Variants in EHBP1 observed in about 807,000 individuals in gnomAD.
EHBP1 encodes the protein EH domain-binding protein 1.
EHBP1 carries 55 observed loss-of-function variants against 144.0 expected under a neutral mutation model. The observed-to-expected ratio is 0.38, with a 90% CI of 0.31 to 0.48. EHBP1 has a LOEUF of 0.48. EHBP1 is among the 20% of genes least tolerant of loss of function. The probability of loss-of-function intolerance (pLI) is 0.98; values close to 1 mark genes in which losing one functional copy is unlikely to be tolerated. For synonymous variants in EHBP1, 469 were observed against 472.7 expected, an observed-to-expected ratio of 0.99 and a Z score of 0.10; for missense variants, 1,200 against 1,364.2, an observed-to-expected ratio of 0.88 and a Z score of 1.90.
At chr2:62,768,048 A>G (rs34104251) in intron 4 of EHBP1, among the ~76,000 whole-genome samples, 54,578 of 151,850 alleles carry the variant, frequency 0.36, 9,913 homozygotes, top group Middle Eastern at 0.54. Flanking sequence ...AATTCAAAGC[A>G]CTAAATACCC....
intron 19 of EHBP1, among the ~76,000 whole-genome samples, chr2:63,037,103 T>C (rs558892692): frequency 2.6e-5 from 4 of 152,094 alleles, no homozygotes; most frequent in African/African-American, 9.6e-5. Context: ...AGCAAGTTGT[T>C]AAAAATGGAA....
chr2:62,934,131 A>G (rs2056204988), intron 10 of EHBP1, among the ~76,000 whole-genome samples: 1 of 152,220 alleles, frequency 6.6e-6, no homozygotes, highest in Admixed American at 6.5e-5. Context: ...CACATTTTCA[A>G]TTTTAGCATA....
intron 1 of EHBP1, among the ~76,000 whole-genome samples, chr2:62,696,164 C>CTCTCTCTT (rs572834429): frequency 9.6e-5 from 13 of 135,674 alleles, no homozygotes; most frequent in Middle Eastern, 3.7e-3. Context: ...CTCTCTCTCT[C>CTCTCTCTT]TCTTTCTTTC....
chr2:62,949,654 C>T (rs1427316901), intron 13 of EHBP1, among the ~76,000 whole-genome samples: 2 of 151,992 alleles, frequency 1.3e-5, no homozygotes, highest in African/African-American at 4.8e-5. Flanking sequence ...ATGTATAATG[C>T]CAAATTAAAT....
chr2:62,898,852 T>C (rs1298054824), intron 10 of EHBP1, among the ~76,000 whole-genome samples: 1 of 152,130 alleles, frequency 6.6e-6, no homozygotes, highest in Non-Finnish European at 1.5e-5. Flanking sequence ...AAAGAGAATG[T>C]AAGGATAATT....
chr2:62,948,227 T>C (rs2057176564), intron 12 of EHBP1, 33 bp from the exon 13 acceptor site: 1 of 1,509,522 alleles, frequency 6.6e-7, no homozygotes. Context: ...TATGAACTGT[T>C]CAATATATCT....
At chr2:62,873,655 C>T (rs754509866) in intron 9 of EHBP1, among the ~76,000 whole-genome samples, 1 of 152,030 alleles carries the variant, frequency 6.6e-6, no homozygotes, top group Non-Finnish European at 1.5e-5. Context: ...CACACCTAGA[C>T]ATGTCATGGG....
chr2:62,907,496 C>T (rs961865276), intron 10 of EHBP1, among the ~76,000 whole-genome samples: 5 of 152,092 alleles, frequency 3.3e-5, no homozygotes, highest in Admixed American at 2.6e-4. Flanking sequence ...TCCAAGTCAC[C>T]AGCAGATTTG....
chr2:62,700,982 T>C (rs1303584383), upstream of EHBP1, among the ~76,000 whole-genome samples: 1 of 152,208 alleles, frequency 6.6e-6, no homozygotes, highest in African/African-American at 2.4e-5. Flanking sequence ...AGATAGATCC[T>C]ATCATTTCAG....
At position 62,941,051 on chromosome 2, in the gene EHBP1, T is replaced by G. The variant is rs1021293701; in HGVS notation, c.1186-1667T>G. On this transcript the variant is annotated intron_variant, in intron 10 of 22. Transcript: ENST00000431489. ...GGCCCATGTATGTATTACCCATGCT[T>G]GGACTGAATCAATACCTTAATAATA... Among the ~76,000 whole-genome samples, 5 of 152,172 alleles carry G rather than the reference T, an allele frequency of 3.3e-5. No homozygotes were observed. In the East Asian group the frequency reaches 9.6e-4, roughly 29 times the overall value.
intron 7 of EHBP1, among the ~76,000 whole-genome samples, chr2:62,854,624 T>A (rs2080227): frequency 0.66 from 100,021 of 152,102 alleles, 32,979 homozygotes; most frequent in South Asian, 0.7. Context: ...CACACATTAT[T>A]GATGAAGTTT....
intron 1 of EHBP1, among the ~76,000 whole-genome samples, chr2:62,682,638 A>G (rs920163055): frequency 6.6e-6 from 1 of 152,210 alleles, no homozygotes; most frequent in Non-Finnish European, 1.5e-5. Context: ...TTGACATTTA[A>G]GAACCTGACA....
At chr2:62,821,124 A>C (rs1345885797) in intron 5 of EHBP1, among the ~76,000 whole-genome samples, 7 of 152,094 alleles carry the variant, frequency 4.6e-5, no homozygotes, top group Non-Finnish European at 8.8e-5. Context: ...TCTATGTAAT[A>C]AAGCCCTGAA....
intron 3 of EHBP1, among the ~76,000 whole-genome samples, chr2:62,751,590 T>C (rs1464543664): frequency 2.0e-5 from 3 of 152,228 alleles, no homozygotes; most frequent in African/African-American, 7.2e-5. Flanking sequence ...TCCGGTAGAA[T>C]TCGGCTGTGA....
chr2:62,860,861 G>A (rs2049467220), intron 8 of EHBP1, among the ~76,000 whole-genome samples: 1 of 152,092 alleles, frequency 6.6e-6, no homozygotes, highest in Non-Finnish European at 1.5e-5. Flanking sequence ...GCCTGATTCA[G>A]AATCTTTAAT....
intron 5 of EHBP1, among the ~76,000 whole-genome samples, chr2:62,812,780 C>A (rs1226945506): frequency 6.6e-6 from 1 of 152,090 alleles, no homozygotes; most frequent in African/African-American, 2.4e-5. Flanking sequence ...GGACTTTTCA[C>A]TGCGTGTAGT....
intron 14 of EHBP1, among the ~76,000 whole-genome samples, chr2:62,965,240 TTAAC>T (rs1295300206): frequency 1.3e-5 from 2 of 152,290 alleles, no homozygotes; most frequent in African/African-American, 2.4e-5. Context: ...AATTAAAAAA[TTAAC>T]TATAGAAAAG....
chr2:62,901,166 G>A (rs904646925), intron 10 of EHBP1, among the ~76,000 whole-genome samples: 2 of 152,128 alleles, frequency 1.3e-5, no homozygotes, highest in African/African-American at 2.4e-5. Context: ...TAAGATGTGT[G>A]AGTAAGTGTT....
chr2:63,034,990 GT>G (rs2061396177), intron 19 of EHBP1, among the ~76,000 whole-genome samples: 1 of 152,004 alleles, frequency 6.6e-6, no homozygotes. Flanking sequence ...ATAACAAATG[GT>G]TAGAGGAGAA....
Sources: gnomAD v4.1 joint callset for allele counts (sites outside exome capture counted in the v4.1 genomes callset) on GRCh38, gnomAD v4.1.1 for gene constraint, MANE v1.5 for transcripts, NCBI Gene and HGNC (gene_info 2026-07-23, HGNC 2026-07-21) for gene names.